The following KIAA1328 variants were observed in gnomAD, a reference collection of about 807,000 sequenced individuals.
KIAA1328 encodes the protein protein hinderin.
Under a neutral mutation model 68.1 loss-of-function variants are expected in KIAA1328, and 52 were observed. That is an observed-to-expected ratio of 0.76 (90% CI 0.61 to 0.96). KIAA1328 has a LOEUF of 0.96. Among genes scored for constraint, KIAA1328 ranks in the 40% least tolerant of loss-of-function variants. The probability of loss-of-function intolerance (pLI) is 0.00; values close to 1 mark genes in which losing one functional copy is unlikely to be tolerated. For synonymous variants in KIAA1328, 232 were observed against 239.4 expected, an observed-to-expected ratio of 0.97 and a Z score of 0.28; for missense variants, 641 against 677.6, an observed-to-expected ratio of 0.95 and a Z score of 0.60.
downstream of KIAA1328, chr18:37,231,253 C>G (rs552963394): frequency 6.6e-6 from 1 of 152,350 alleles, no homozygotes; most frequent in South Asian, 2.1e-4. Flanking sequence ...TTTGGAGAAC[C>G]CAGCCTTACC....
At chr18:37,116,633 A>C (rs951802333) in intron 7 of KIAA1328, among the ~76,000 whole-genome samples, 2 of 152,222 alleles carry the variant, frequency 1.3e-5, no homozygotes, top group African/African-American at 4.8e-5. Flanking sequence ...ACCAAAAGCA[A>C]CGGCAACAAA....
intron 5 of KIAA1328, among the ~76,000 whole-genome samples, chr18:36,933,330 A>T (rs2050380867): frequency 6.6e-6 from 1 of 152,098 alleles, no homozygotes; most frequent in South Asian, 2.1e-4. Context: ...CCCTCACCAG[A>T]TCTGCTCCCG....
intron 7 of KIAA1328, among the ~76,000 whole-genome samples, chr18:37,121,217 G>A (rs1023833445): frequency 2.0e-5 from 3 of 152,102 alleles, no homozygotes; most frequent in Admixed American, 1.3e-4. Flanking sequence ...AATCTGGTGA[G>A]CATTATGTAT....
chr18:37,224,353 G>C lies in KIAA1328; in HGVS notation c.*2126G>C. ...TTTTGGGGGTCACAGCCACAGAGTG[G>C]AGTTTTATTGCTTCTTTGCCTCTCC... On this transcript the variant is annotated 3_prime_UTR_variant, in exon 10 of 10. Transcript: ENST00000280020. 1 of 985,390 alleles carries C rather than the reference G, an allele frequency of 1.0e-6. No homozygotes were observed. The highest frequency in any genetic ancestry group is 1.2e-6 in the Non-Finnish European group (1 of 829,950). 61.0% of individuals were successfully genotyped at this position (985,390 alleles called of 1,614,324 possible).
intron 6 of KIAA1328, among the ~76,000 whole-genome samples, chr18:37,027,635 C>T (rs915040122): frequency 4.6e-5 from 7 of 152,004 alleles, no homozygotes; most frequent in South Asian, 2.1e-4. Context: ...CCCTATTTAA[C>T]CAATGGTGCT....
intron 7 of KIAA1328, among the ~76,000 whole-genome samples, chr18:37,071,031 C>CTTTTT (rs1344675823): frequency 3.6e-5 from 4 of 111,976 alleles, no homozygotes; most frequent in Non-Finnish European, 6.1e-5. Flanking sequence ...CAGATATTTC[C>CTTTTT]TTTTTTGTTT....
At chr18:37,214,421 T>G (rs534833436) in intron 9 of KIAA1328, among the ~76,000 whole-genome samples, 8 of 152,230 alleles carry the variant, frequency 5.3e-5, no homozygotes, top group South Asian at 2.1e-4. Flanking sequence ...TTTCCCCATT[T>G]CTTGTTTTTG....
At chr18:37,110,664 T>G (rs143441144) in intron 7 of KIAA1328, among the ~76,000 whole-genome samples, 1 of 152,324 alleles carries the variant, frequency 6.6e-6, no homozygotes, top group Non-Finnish European at 1.5e-5. Flanking sequence ...AACATTCTTT[T>G]ATTTGTGGAA....
chr18:37,017,274 G>A (rs1427203433), intron 6 of KIAA1328, among the ~76,000 whole-genome samples: 1 of 151,954 alleles, frequency 6.6e-6, no homozygotes, highest in African/African-American at 2.4e-5. Flanking sequence ...GGTTTTCAGA[G>A]GTCTTCTGAT....
At chr18:37,063,156 A>G (rs981674239) in intron 6 of KIAA1328, among the ~76,000 whole-genome samples, 2 of 151,830 alleles carry the variant, frequency 1.3e-5, no homozygotes, top group African/African-American at 4.8e-5. Flanking sequence ...CCAAATTCAC[A>G]TGGTCATTGG....
At chr18:37,229,896 A>G (rs2060657213), downstream of KIAA1328, 1 of 154,838 alleles carries the variant, frequency 6.5e-6, no homozygotes, top group Admixed American at 6.5e-5. Flanking sequence ...AAAAAAAAAA[A>G]AAAAAAAAGT....
At chr18:37,141,490 C>T (rs72894339) in intron 7 of KIAA1328, among the ~76,000 whole-genome samples, 16,151 of 152,144 alleles carry the variant, frequency 0.11, 1,082 homozygotes, top group Non-Finnish European at 0.13. Flanking sequence ...TTTATCAGTG[C>T]ATCTGTTGAT....
At chr18:36,987,403 T>C (rs1292814989) in intron 6 of KIAA1328, among the ~76,000 whole-genome samples, 1 of 147,006 alleles carries the variant, frequency 6.8e-6, no homozygotes, top group African/African-American at 2.5e-5. Flanking sequence ...CGTTAGTGGG[T>C]GCAGCGCACC....
At chr18:36,949,131 G>T (rs1183358250) in intron 5 of KIAA1328, among the ~76,000 whole-genome samples, 1 of 152,062 alleles carries the variant, frequency 6.6e-6, no homozygotes, top group Non-Finnish European at 1.5e-5. Context: ...TTCTTCTACA[G>T]TTCTAAGGTA....
chr18:36,881,911 C>T (rs957421456), intron 4 of KIAA1328, among the ~76,000 whole-genome samples: 1 of 152,166 alleles, frequency 6.6e-6, no homozygotes, highest in Non-Finnish European at 1.5e-5. Context: ...TGTGAACCTA[C>T]ATGTACAAGT....
chr18:36,979,321 G>A (rs886175241), intron 6 of KIAA1328, among the ~76,000 whole-genome samples: 1 of 152,118 alleles, frequency 6.6e-6, no homozygotes, highest in Non-Finnish European at 1.5e-5. Flanking sequence ...TATAAACTGT[G>A]ATGATTATAT....
chr18:37,175,299 G>A (rs1454210630), intron 9 of KIAA1328, among the ~76,000 whole-genome samples: 1 of 152,108 alleles, frequency 6.6e-6, no homozygotes, highest in Middle Eastern at 3.2e-3. Flanking sequence ...GGAATAAAAT[G>A]TTGCCCCAGT....
At chr18:36,972,110 A>T (rs530878829) in intron 6 of KIAA1328, among the ~76,000 whole-genome samples, 252 of 152,346 alleles carry the variant, frequency 1.7e-3, no homozygotes, top group Non-Finnish European at 2.5e-3. Context: ...CCATATAATA[A>T]ACCCTAACAA....
intron 8 of KIAA1328, among the ~76,000 whole-genome samples, chr18:37,167,528 G>T (rs930584734): frequency 6.6e-6 from 1 of 152,060 alleles, no homozygotes; most frequent in African/African-American, 2.4e-5. Context: ...TCTTCCAACC[G>T]CTTTGGCCAA....
Sources: allele counts gnomAD v4.1 joint callset (sites outside exome capture counted in the v4.1 genomes callset), GRCh38; gene constraint gnomAD v4.1.1; transcripts MANE v1.5; gene names NCBI Gene and HGNC (gene_info 2026-07-23, HGNC 2026-07-21).